Variants in PITRM1 observed in about 807,000 individuals in gnomAD.
The protein encoded by PITRM1 is pitrilysin metallopeptidase 1, also known as presequence protease, mitochondrial.
Under a neutral mutation model 129.9 loss-of-function variants are expected in PITRM1, and 100 were observed. That is an observed-to-expected ratio of 0.77 (90% CI 0.65 to 0.91). PITRM1 has a LOEUF of 0.91. PITRM1 is among the 40% of genes least tolerant of loss of function. The pLI, the probability that PITRM1 is intolerant of heterozygous loss-of-function variation, is 0.00. For missense variants in PITRM1, 1,471 were observed against 1,318.3 expected, an observed-to-expected ratio of 1.12 and a Z score of -1.79; for synonymous variants, 591 against 508.8, an observed-to-expected ratio of 1.16 and a Z score of -2.17.
chr10:3,150,963 C>T (rs2132419598), intron 15 of PITRM1, among the ~76,000 whole-genome samples: 1 of 152,100 alleles, frequency 6.6e-6, no homozygotes, highest in South Asian at 2.1e-4. Context: ...CACAGCGTAA[C>T]CCAAATCCTC....
intron 2 of PITRM1, among the ~76,000 whole-genome samples, chr10:3,167,311 G>C (rs1041190583): frequency 2.6e-5 from 4 of 152,218 alleles, no homozygotes; most frequent in African/African-American, 9.6e-5. Flanking sequence ...GAGCGCGAGA[G>C]CGCACGCGCT....
At position 3,149,770 on chromosome 10, in the gene PITRM1, G is replaced by T; in HGVS notation, c.1739-17C>A. On this transcript the variant is annotated splice_polypyrimidine_tract_variant and intron_variant, in intron 15 of 26. Transcript: ENST00000224949. The stretch of plus-strand genomic sequence containing the variant: ...TATCTCCAGCTAGAAAAACAAAAGG[G>T]ATTTAATTTTTATTGCTGCCAGTAA... The T allele has an allele frequency of 6.2e-7, 1 of 1,612,888 alleles. No homozygotes were observed. Among genetic ancestry groups the T allele is most frequent in the Non-Finnish European group, 8.5e-7 (1 of 1,179,370 alleles).
intron 16 of PITRM1, 120 bp downstream of exon 16, chr10:3,149,501 T>TA (rs1177046400): frequency 9.7e-6 from 10 of 1,028,636 alleles, no homozygotes; most frequent in Non-Finnish European, 1.4e-5. Context: ...ACACCATACT[T>TA]ACACACTAAC....
intron 15 of PITRM1, 106 bp downstream of exon 15, chr10:3,151,141 T>TTAC (rs1189315445): frequency 1.5e-5 from 11 of 720,816 alleles, no homozygotes; most frequent in Non-Finnish European, 2.6e-5. Context: ...TGCTCAAGTG[T>TTAC]TTCAGGGAAA....
rs556277372 is a variant in PITRM1, at chr10:3,151,594, A to T, written c.1622-231T>A. 2.5e-4 allele frequency among the ~76,000 whole-genome samples: 38 copies of T among 152,294 alleles called. 1 individual carries two copies. In the South Asian group the frequency reaches 7.7e-3, roughly 31 times the overall value. ...CTTTTCCTAATTCTCATTTTCAATT[A>T]TTAAGGAATTCTGCTAGGAAGTGGT... On this transcript the variant is annotated intron_variant, in intron 14 of 26. Coordinates refer to ENST00000224949, the MANE Select transcript of PITRM1 (RefSeq NM_014889.4).
intron 25 of PITRM1, 181 bp downstream of exon 25, chr10:3,138,723 C>T (rs1046600296): frequency 2.7e-6 from 2 of 745,982 alleles, no homozygotes; most frequent in Non-Finnish European, 4.9e-6. Context: ...TGACAGGATG[C>T]ACTCTTCTCG....
chr10:3,142,644 A>C lies in PITRM1; in HGVS notation c.2645+745T>G, dbSNP rs185493653. 3.3e-4 allele frequency among the ~76,000 whole-genome samples: 51 copies of C among 152,356 alleles called. No individual in the cohort carries two copies. The East Asian group carries it at 9.4e-3, about 28-fold the overall frequency. ...AGAAGGGGCTGGAGGGCCAGTCTGT[A>C]GGCTGCAAACTCCCTCGCCCCACGC... On this transcript the variant is annotated intron_variant, in intron 23 of 26. Coordinates refer to ENST00000224949, the MANE Select transcript of PITRM1 (RefSeq NM_014889.4).
Position 3,140,762 on chromosome 10 carries a change from A to G in PITRM1, c.2696T>C (p.Ile899Thr). 1 of 1,595,150 alleles carries G rather than the reference A, an allele frequency of 6.3e-7. No homozygotes were observed. Among genetic ancestry groups the G allele is most frequent in the Non-Finnish European group, 8.5e-7 (1 of 1,169,718 alleles). Residue 899 changes from isoleucine to threonine, a missense_variant, in exon 24 of 27, where the codon ATT becomes ACT. Physicochemically the swap from Ile to Thr is moderately conservative, Grantham distance 89. Coordinates refer to ENST00000224949, the MANE Select transcript of PITRM1 (RefSeq NM_014889.4). ...LMTAKFLHTE[I>T]REKGGAYGGG... ...ACCATAAGCACCGCCTTTTTCTCGA[A>G]TTTCTGTATGCAAGAATTTGGCAGT...
chr10:3,157,670 C>T, intron 11 of PITRM1, 139 bp from the exon 12 acceptor site: 1 of 612,302 alleles, frequency 1.6e-6, no homozygotes, highest in South Asian at 2.0e-5. Context: ...AGAGAAAGCC[C>T]ATCTCTACTA....
At chr10:3,166,150 C>T (rs897723340) in intron 4 of PITRM1, 79 bp downstream of exon 4, 1 of 1,278,596 alleles carries the variant, frequency 7.8e-7, no homozygotes, top group Non-Finnish European at 1.1e-6. Flanking sequence ...CCCCTCATTC[C>T]TTCTCAGAAA....
intron 2 of PITRM1, among the ~76,000 whole-genome samples, chr10:3,167,275 AAG>A (rs201491690): frequency 8.8e-5 from 11 of 124,726 alleles, no homozygotes; most frequent in African/African-American, 2.3e-4. Context: ...TGTGTATAGA[AAG>A]AGAGAGAGAG....
At chr10:3,147,328 A>G in intron 19 of PITRM1, 78 bp from the exon 20 acceptor site, 1 of 1,129,244 alleles carries the variant, frequency 8.9e-7, no homozygotes. Context: ...CACCTGTGAC[A>G]TCAGAACCCT....
In PITRM1 at chr10:3,140,671, C is replaced by T. The variant is rs1305860540; in HGVS notation, c.2771+16G>A. On this transcript the variant is annotated intron_variant, in intron 24 of 26. Transcript: ENST00000224949. ...CGACGTGTGCATCCCAATGTGTGAACTAGAGCAAAACTCACCTGTAAGAGT... is the reference window on the plus strand; with the variant it reads ...CGACGTGTGCATCCCAATGTGTGAATTAGAGCAAAACTCACCTGTAAGAGT... The T allele has an allele frequency of 1.1e-5, 17 of 1,592,510 alleles. No homozygotes were observed. The highest frequency in any genetic ancestry group is 1.4e-5 in the Non-Finnish European group (16 of 1,168,140).
At chr10:3,139,403 A>C (rs1010550909) in intron 24 of PITRM1, among the ~76,000 whole-genome samples, 3 of 152,220 alleles carry the variant, frequency 2.0e-5, no homozygotes, top group Non-Finnish European at 2.9e-5. Context: ...TGGAAAAATT[A>C]AGCAAACAAA....
rs763007183 is a variant in PITRM1 at position 3,147,664 on chromosome 10, G to T, written c.2143C>A (p.Pro715Thr). The change falls in exon 19 of 27, where the codon CCT becomes ACT. Residue 715 changes from proline (P) to threonine (T), a missense_variant. Pro to Thr is a conservative substitution (Grantham distance 38). Coordinates refer to ENST00000224949, the MANE Select transcript of PITRM1 (RefSeq NM_014889.4). ...GATGCGTACAGGTGCCCAGAGTCAGGAATTCCATTGGCGAGCTCCTGGGCG... is the reference window on the plus strand; with the variant it reads ...GATGCGTACAGGTGCCCAGAGTCAGTAATTCCATTGGCGAGCTCCTGGGCG... ...MTAQELANGI[P>T]DSGHLYASIR... is the part of the protein sequence containing the mutation. 1.9e-5 allele frequency: 30 copies of T among 1,613,804 alleles called. No homozygotes were observed. In the South Asian group the frequency reaches 3.1e-4, roughly 17 times the overall value.
At chr10:3,140,281 G>A (rs1044235479) in intron 24 of PITRM1, among the ~76,000 whole-genome samples, 21 of 152,306 alleles carry the variant, frequency 1.4e-4, no homozygotes, top group South Asian at 2.1e-4. Flanking sequence ...CGTAGACAGC[G>A]TCAGCTTTCA....
chr10:3,160,668 G>C (rs184081338), intron 7 of PITRM1, among the ~76,000 whole-genome samples: 2 of 152,022 alleles, frequency 1.3e-5, no homozygotes, highest in Non-Finnish European at 2.9e-5. Context: ...CAGTGGCACC[G>C]TCACAGCTCA....
At position 3,171,973 on chromosome 10, in the gene PITRM1, C is replaced by G. The variant is rs149369134; in HGVS notation, c.56+744G>C. Reference sequence around the variant, plus strand: ...GATAATATGTACAGGAAGAAAAAACCTATTCAGTCACTGGCAATATTATGA... The same window carrying G: ...GATAATATGTACAGGAAGAAAAAACGTATTCAGTCACTGGCAATATTATGA... On this transcript the variant is annotated intron_variant, in intron 1 of 26. Coordinates refer to ENST00000224949, the MANE Select transcript of PITRM1 (RefSeq NM_014889.4). 3.9e-3 allele frequency among the ~76,000 whole-genome samples: 590 copies of G among 152,254 alleles called. 3 individuals are homozygous for G. Among genetic ancestry groups the G allele is most frequent in the African/African-American group, 0.013 (535 of 41,540 alleles).
intron 22 of PITRM1, 59 bp from the exon 23 acceptor site, chr10:3,143,560 G>T: frequency 8.5e-7 from 1 of 1,175,204 alleles, no homozygotes; most frequent in Non-Finnish European, 1.3e-6. Context: ...CACGGCACTG[G>T]GACTGGACCC....
Sources: allele counts gnomAD v4.1 joint callset (sites outside exome capture counted in the v4.1 genomes callset), GRCh38; gene constraint gnomAD v4.1.1; transcripts MANE v1.5; gene names NCBI Gene and HGNC (gene_info 2026-07-23, HGNC 2026-07-21).